PDE11A: variants seen among roughly 807,000 people sequenced by gnomAD.
The protein encoded by PDE11A is dual 3',5'-cyclic-AMP and -GMP phosphodiesterase 11A.
In PDE11A, 100 loss-of-function variants were observed where a neutral mutation model predicts 100.5. That is an observed-to-expected ratio of 1.00 (90% CI 0.85 to 1.18). The LOEUF (loss-of-function observed/expected upper bound fraction) is 1.18, where lower values mean the gene tolerates loss of function less well. PDE11A is among the 50% of genes most tolerant of loss of function. PDE11A has a pLI of 0.00. For missense variants in PDE11A, 1,141 were observed against 1,152.6 expected (o/e 0.99, Z 0.15); for synonymous variants, 381 against 420.8 (o/e 0.91, Z 1.16).
intron 9 of PDE11A, among the ~76,000 whole-genome samples, chr2:177,807,731 AT>A (rs2082893514): frequency 6.6e-6 from 1 of 152,188 alleles, no homozygotes; most frequent in African/African-American, 2.4e-5. Flanking sequence ...TGGCAAAAAC[AT>A]TTTTAAAAGA....
intron 1 of PDE11A, among the ~76,000 whole-genome samples, chr2:178,104,762 C>G (rs921256848): frequency 3.9e-5 from 6 of 152,180 alleles, no homozygotes; most frequent in African/African-American, 9.7e-5. Flanking sequence ...GGTTTTACTT[C>G]AGCCTTCAAA....
At chr2:177,657,339 C>T (rs1280863120) in intron 19 of PDE11A, among the ~76,000 whole-genome samples, 4 of 152,192 alleles carry the variant, frequency 2.6e-5, no homozygotes, top group African/African-American at 9.7e-5. Context: ...GCTCCTCTCC[C>T]GTCATCTCAG....
At chr2:177,795,497 TCA>T (rs1046910130) in intron 9 of PDE11A, among the ~76,000 whole-genome samples, 46 of 152,142 alleles carry the variant, frequency 3.0e-4, no homozygotes, top group African/African-American at 9.4e-4. Context: ...ATATGTGATG[TCA>T]CACACACACA....
intron 12 of PDE11A, among the ~76,000 whole-genome samples, chr2:177,726,995 CAGA>C (rs902392840): frequency 2.6e-5 from 4 of 151,998 alleles, no homozygotes; most frequent in Non-Finnish European, 5.9e-5. Context: ...TATTTCTTGC[CAGA>C]AGAAGTAAAT....
At chr2:177,690,561 C>T (rs1423759770) in intron 15 of PDE11A, among the ~76,000 whole-genome samples, 1 of 152,204 alleles carries the variant, frequency 6.6e-6, no homozygotes, top group Non-Finnish European at 1.5e-5. Context: ...CAAACTATCA[C>T]ATTGAACAAT....
intron 2 of PDE11A, among the ~76,000 whole-genome samples, chr2:178,098,227 T>C (rs2087519559): frequency 6.6e-6 from 1 of 152,204 alleles, no homozygotes; most frequent in African/African-American, 2.4e-5. Context: ...CCCAGCTGTA[T>C]TTAAACATCC....
chr2:177,637,982 T>TAA, intron 19 of PDE11A, among the ~76,000 whole-genome samples: 1 of 43,590 alleles, frequency 2.3e-5, no homozygotes, highest in African/African-American at 7.6e-5. Flanking sequence ...TACACGTGTA[T>TAA]ATATATATAT....
intron 11 of PDE11A, 99 bp downstream of exon 11, chr2:177,727,927 A>T (rs1307793290): frequency 8.8e-7 from 1 of 1,140,854 alleles, no homozygotes; most frequent in Non-Finnish European, 1.3e-6. Context: ...CAGGGCAGGG[A>T]TTATCATCCC....
intron 13 of PDE11A, 86 bp from the exon 14 acceptor site, chr2:177,701,297 T>C (rs1220249496): frequency 1.3e-6 from 1 of 755,336 alleles, no homozygotes; most frequent in East Asian, 2.5e-5. Context: ...TTTCTTGCTT[T>C]TGGCAAAGGA....
intron 10 of PDE11A, among the ~76,000 whole-genome samples, chr2:177,761,227 C>T (rs1016131647): frequency 2.0e-5 from 3 of 152,086 alleles, no homozygotes; most frequent in South Asian, 2.1e-4. Flanking sequence ...ACAAAGAAAA[C>T]GAATCCCTTT....
At chr2:177,774,537 C>T (rs965580660) in intron 9 of PDE11A, among the ~76,000 whole-genome samples, 1 of 152,174 alleles carries the variant, frequency 6.6e-6, no homozygotes, top group Admixed American at 6.5e-5. Context: ...TCTTTGGCTG[C>T]TCTTTATGTT....
rs1005450132 is a variant in PDE11A at position 177,834,235 on chromosome 2, C to T, written c.1500+6016G>A. Among the ~76,000 whole-genome samples the T allele has an allele frequency of 3.9e-5, 6 of 152,316 alleles. No individual in the cohort carries two copies. In the East Asian group the frequency reaches 5.8e-4, roughly 15 times the overall value. ...TCCTGCATCATTTTGGTGGCCTCTA[C>T]GGGGACTTGTCAGAAGGGTGAGTAA... On this transcript the variant is annotated intron_variant, in intron 6 of 19. Transcript: ENST00000286063.
At chr2:177,962,756 C>T (rs2085650617) in intron 2 of PDE11A, among the ~76,000 whole-genome samples, 1 of 151,982 alleles carries the variant, frequency 6.6e-6, no homozygotes, top group Admixed American at 6.6e-5. Flanking sequence ...ACTCCTATTT[C>T]AGGAACATAT....
At chr2:177,803,307 TAACAAC>T (rs146272694) in intron 9 of PDE11A, among the ~76,000 whole-genome samples, 4 of 151,148 alleles carry the variant, frequency 2.6e-5, no homozygotes, top group East Asian at 1.9e-4. Context: ...AAAAATCTCC[TAACAAC>T]AACAACAACA....
At chr2:177,663,340 G>C (rs2080511237) in intron 19 of PDE11A, among the ~76,000 whole-genome samples, 1 of 151,212 alleles carries the variant, frequency 6.6e-6, no homozygotes, top group South Asian at 2.1e-4. Flanking sequence ...GAAGCTGGAA[G>C]GTGCGTCACA....
intron 3 of PDE11A, among the ~76,000 whole-genome samples, chr2:177,900,064 T>C (rs962826424): frequency 6.6e-6 from 1 of 152,106 alleles, no homozygotes; most frequent in African/African-American, 2.4e-5. Flanking sequence ...ATAATGTTTG[T>C]TTGCTCAGGT....
Position 177,659,376 on chromosome 2 carries a change from G to C in PDE11A, c.2646+4490C>G, listed in dbSNP as rs116451770. 9.3e-3 allele frequency among the ~76,000 whole-genome samples: 1,413 copies of C among 151,450 alleles called. 20 individuals are homozygous for C. The highest frequency in any genetic ancestry group is 0.032 in the African/African-American group (1,328 of 41,270). ...TCAGAAACCTCATGACATTTTAATA[G>C]AGAGGCACTACCCTTACCAAAATTT... On this transcript the variant is annotated intron_variant, in intron 19 of 19. Transcript: ENST00000286063.
At position 178,071,841 on chromosome 2, in the gene PDE11A, A is replaced by G; in HGVS notation, c.597T>C (p.His199=). 9 of 1,614,076 alleles carry G rather than the reference A, an allele frequency of 5.6e-6. No homozygotes were observed. Among genetic ancestry groups the G allele is most frequent in the Non-Finnish European group, 7.6e-6 (9 of 1,179,946 alleles). ...ATTCCAGAAAGAACTGACGCTCATT[A>G]TGCTTTTTCAGATGGCACTTGTAGT... ...AIDYKCHLKK[H]NERQFFLELV... is the part of the protein sequence containing the mutation. The change falls in exon 1 of 20, where the codon CAT becomes CAC. Residue 199 remains histidine, a synonymous_variant. Coordinates refer to ENST00000286063, the MANE Select transcript of PDE11A (RefSeq NM_016953.4).
intron 2 of PDE11A, among the ~76,000 whole-genome samples, chr2:177,921,485 G>GA (rs1027122124): frequency 2.8e-5 from 4 of 141,788 alleles, no homozygotes; most frequent in Non-Finnish European, 4.7e-5. Context: ...AAAAAAAAAA[G>GA]AAAAAAAACA....
Sources: allele counts gnomAD v4.1 joint callset (sites outside exome capture counted in the v4.1 genomes callset), GRCh38; gene constraint gnomAD v4.1.1; transcripts MANE v1.5; gene names NCBI Gene and HGNC (gene_info 2026-07-23, HGNC 2026-07-21).